The following PCSK6 variants were observed in gnomAD, a reference collection of about 807,000 sequenced individuals.
The protein encoded by PCSK6 is proprotein convertase subtilisin/kexin type 6, also known as paired basic amino acid cleaving enzyme 4.
Under a neutral mutation model 123.3 loss-of-function variants are expected in PCSK6, and 85 were observed. The ratio of observed to expected loss-of-function variants is 0.69; its 90% CI spans 0.58 to 0.83. PCSK6 has a LOEUF of 0.83. Among genes scored for constraint, PCSK6 ranks in the 40% least tolerant of loss-of-function variants. PCSK6 has a pLI of 0.00. For missense variants in PCSK6, 1,191 were observed against 1,282.3 expected (o/e 0.93, Z 1.09); for synonymous variants, 508 against 516.0 (o/e 0.98, Z 0.21).
chr15:101,341,227 G>A (rs1226977223), intron 13 of PCSK6, among the ~76,000 whole-genome samples: 11 of 147,736 alleles, frequency 7.4e-5, no homozygotes, highest in African/African-American at 1.8e-4. Context: ...GAGCCGCACC[G>A]CGCCTGGCCA....
intron 1 of PCSK6, among the ~76,000 whole-genome samples, chr15:101,471,008 G>GCGGCTTAT (rs1435557047): frequency 6.6e-6 from 1 of 152,198 alleles, no homozygotes. Flanking sequence ...AGGGGTGTCT[G>GCGGCTTAT]CGGCTTATCT....
intron 20 of PCSK6, chr15:101,309,237 G>A (rs1382245984): frequency 6.6e-6 from 1 of 152,602 alleles, no homozygotes; most frequent in East Asian, 1.9e-4. Flanking sequence ...GCTCTCCTCT[G>A]GAGGTCTGGG....
chr15:101,372,502 T>C (rs1163860730), intron 11 of PCSK6, among the ~76,000 whole-genome samples: 1 of 152,244 alleles, frequency 6.6e-6, no homozygotes, highest in Non-Finnish European at 1.5e-5. Flanking sequence ...TCTCCCAAGC[T>C]TTACTGCTAG....
rs746750231 is a variant in PCSK6 at position 101,393,211 on chromosome 15, C to G, written c.1209+1G>C. The stretch of plus-strand genomic sequence containing the variant: ...CACTCCAACTTGCCAAGAGAACTTA[C>G]GATTTTTCGCTCATAAAAGGCCCCA... On this transcript the variant is annotated splice_donor_variant, in intron 8 of 21. Coordinates refer to ENST00000611716, the MANE Select transcript of PCSK6 (RefSeq NM_002570.5). LOFTEE classifies it high-confidence loss of function. 1.2e-6 allele frequency: 2 copies of G among 1,611,016 alleles called. No homozygotes were observed. The highest frequency in any genetic ancestry group is 1.7e-5 in the Admixed American group (1 of 59,638).
intron 13 of PCSK6, among the ~76,000 whole-genome samples, chr15:101,357,242 G>C (rs1054447929): frequency 1.4e-4 from 21 of 152,166 alleles, no homozygotes; most frequent in African/African-American, 5.1e-4. Context: ...CACTGTGCCT[G>C]GCACTGAGGC....
chr15:101,384,328 G>A lies in PCSK6; in HGVS notation c.1408C>T (p.His470Tyr), dbSNP rs530848993. The A allele has an allele frequency of 3.1e-6, 5 of 1,613,690 alleles. No homozygotes were observed. The South Asian group carries it at 5.5e-5, about 18-fold the overall frequency. The stretch of plus-strand genomic sequence containing the variant: ...CAGAACGCCACTGCCGCACCTTTAT[G>A]ACCCGCGCCGTTCACTTTCCAGTCG... ...ASDWKVNGAG[H>Y]KVSHFYGFGL... Residue 470 changes from histidine (H) to tyrosine (Y), a missense_variant, in exon 10 of 22, where the codon CAT (histidine) becomes TAT (tyrosine). His to Tyr is a moderately conservative substitution (Grantham distance 83). Coordinates refer to ENST00000611716, the MANE Select transcript of PCSK6 (RefSeq NM_002570.5).
In PCSK6 at chr15:101,313,407, T is replaced by C. The variant is rs764131445; in HGVS notation, c.2668A>G (p.Met890Val). ...ACGEGFYPEE[M>V]PGLPHKVCRR... is the part of the protein sequence containing the mutation. The stretch of plus-strand genomic sequence containing the variant: ...CACACTTTGTGGGGCAAGCCCGGCA[T>C]CTCTTCTGGGTAGAAGCCCTCACCA... Residue 890 changes from methionine to valine, a missense_variant, in exon 20 of 22, where the codon ATG (methionine) becomes GTG (valine). Transcript: ENST00000611716. The C allele has an allele frequency of 1.1e-5, 18 of 1,612,638 alleles. No homozygotes were observed. The highest frequency in any genetic ancestry group is 1.5e-5 in the Non-Finnish European group (18 of 1,179,864).
intron 1 of PCSK6, among the ~76,000 whole-genome samples, chr15:101,475,181 GCTGT>G (rs1415151275): frequency 2.0e-5 from 3 of 152,154 alleles, no homozygotes; most frequent in Non-Finnish European, 4.4e-5. Context: ...AGAGTTACGT[GCTGT>G]CTATTTTAGG....
intron 2 of PCSK6, among the ~76,000 whole-genome samples, chr15:101,435,237 AC>A (rs2056563932): frequency 6.6e-6 from 1 of 151,890 alleles, no homozygotes; most frequent in Admixed American, 6.6e-5. Context: ...AATGGAAGCA[AC>A]CCTCACAGGT....
chr15:101,304,091 T>G lies in PCSK6; in HGVS notation c.*1167A>C, dbSNP rs1340099194. ...CGTCAAACAGGGGAGCAGGACAATATGGAGAAAGACGAGGTCGAAAAAATT... is the reference window on the plus strand; with the variant it reads ...CGTCAAACAGGGGAGCAGGACAATAGGGAGAAAGACGAGGTCGAAAAAATT... On this transcript the variant is annotated 3_prime_UTR_variant, in exon 22 of 22. Transcript: ENST00000611716. 2.6e-5 allele frequency: 4 copies of G among 152,556 alleles called. No individual in the cohort carries two copies. The highest frequency in any genetic ancestry group is 9.7e-5 in the African/African-American group (4 of 41,446). The allele number at this position is 152,556 out of a possible 1,614,324, so 9.5% of individuals were successfully genotyped here.
chr15:101,351,404 C>T (rs924631736), intron 13 of PCSK6, among the ~76,000 whole-genome samples: 2 of 152,168 alleles, frequency 1.3e-5, no homozygotes, highest in Non-Finnish European at 1.5e-5. Context: ...TTGTTCCCAT[C>T]CCTGGTGAGT....
chr15:101,391,458 C>G (rs1271934965), intron 8 of PCSK6, among the ~76,000 whole-genome samples: 1 of 152,238 alleles, frequency 6.6e-6, no homozygotes, highest in African/African-American at 2.4e-5. Context: ...TCAAGGTGGA[C>G]AGCCCCTCCT....
At chr15:101,352,443 T>C (rs2040918033) in intron 13 of PCSK6, among the ~76,000 whole-genome samples, 1 of 152,228 alleles carries the variant, frequency 6.6e-6, no homozygotes, top group African/African-American at 2.4e-5. Flanking sequence ...TTTCTAATTT[T>C]ATGATGTTTT....
intron 6 of PCSK6, among the ~76,000 whole-genome samples, chr15:101,419,795 G>GA (rs1460296847): frequency 1.3e-5 from 2 of 152,060 alleles, no homozygotes; most frequent in African/African-American, 2.4e-5. Flanking sequence ...GGGGATCTAG[G>GA]ATGTGATGAG....
chr15:101,427,248 G>A (rs2056290025), intron 6 of PCSK6, among the ~76,000 whole-genome samples: 1 of 152,220 alleles, frequency 6.6e-6, no homozygotes, highest in Non-Finnish European at 1.5e-5. Context: ...AAGAAGAGCT[G>A]ATTCCCTGGT....
chr15:101,403,522 A>G (rs908733470), intron 6 of PCSK6, among the ~76,000 whole-genome samples: 1 of 152,118 alleles, frequency 6.6e-6, no homozygotes, highest in Admixed American at 6.5e-5. Flanking sequence ...TGATAAGCAC[A>G]AAAGATTGTA....
chr15:101,371,131 C>T (rs2041574085), intron 11 of PCSK6, among the ~76,000 whole-genome samples: 1 of 152,144 alleles, frequency 6.6e-6, no homozygotes, highest in Non-Finnish European at 1.5e-5. Context: ...CTCTTGAACC[C>T]AGGAGGTGGA....
At chr15:101,387,680 A>G (rs2042104658) in intron 9 of PCSK6, among the ~76,000 whole-genome samples, 1 of 25,128 alleles carries the variant, frequency 4.0e-5, no homozygotes, top group African/African-American at 7.6e-5. Context: ...GTTTTCCTTC[A>G]TTCTGGCCCC....
At chr15:101,309,999 C>T (rs571255628) in intron 20 of PCSK6, among the ~76,000 whole-genome samples, 3 of 152,362 alleles carry the variant, frequency 2.0e-5, no homozygotes, top group South Asian at 2.1e-4. Flanking sequence ...CAACGCAGCC[C>T]GTCTGGCCAC....
Sources: allele counts gnomAD v4.1 joint callset (sites outside exome capture counted in the v4.1 genomes callset), GRCh38; gene constraint gnomAD v4.1.1; transcripts MANE v1.5; gene names NCBI Gene and HGNC (gene_info 2026-07-23, HGNC 2026-07-21).